MCC: variants seen among roughly 807,000 people sequenced by gnomAD.
MCC encodes MCC regulator of Wnt signaling pathway.
Under a neutral mutation model 116.2 loss-of-function variants are expected in MCC, and 90 were observed. The observed-to-expected ratio is 0.77, with a 90% CI of 0.65 to 0.92. The LOEUF is 0.92. MCC is among the 40% of genes least tolerant of loss of function. MCC has a pLI of 0.00. For synonymous variants in MCC, 578 were observed against 510.5 expected (o/e 1.13, Z -1.78); for missense variants, 1,516 against 1,312.2 (o/e 1.16, Z -2.40).
chr5:113,451,348 A>G (rs1218095441), intron 1 of MCC, among the ~76,000 whole-genome samples: 1 of 152,250 alleles, frequency 6.6e-6, no homozygotes, highest in Non-Finnish European at 1.5e-5. Context: ...TTAAATCTAC[A>G]GTTTATCCAG....
intron 3 of MCC, among the ~76,000 whole-genome samples, chr5:113,178,271 C>T (rs187028654): frequency 1.2e-4 from 19 of 152,288 alleles, no homozygotes; most frequent in African/African-American, 3.6e-4. Flanking sequence ...AAGGCAGTGG[C>T]GAGTGGACCA....
chr5:113,351,659 A>ATT (rs1472655016), intron 2 of MCC, among the ~76,000 whole-genome samples: 1 of 152,170 alleles, frequency 6.6e-6, no homozygotes, highest in East Asian at 1.9e-4. Flanking sequence ...TGTACTCAAT[A>ATT]ATTTAATTGT....
At chr5:113,224,766 A>C (rs1303005655) in intron 3 of MCC, among the ~76,000 whole-genome samples, 1 of 152,206 alleles carries the variant, frequency 6.6e-6, no homozygotes, top group Non-Finnish European at 1.5e-5. Context: ...CTAAGTTCAA[A>C]TCTTTTACAG....
chr5:113,338,623 T>C (rs1028925257), intron 3 of MCC, among the ~76,000 whole-genome samples: 1 of 152,260 alleles, frequency 6.6e-6, no homozygotes, highest in Non-Finnish European at 1.5e-5. Flanking sequence ...ATTTCTGCTA[T>C]AACCCATCCT....
At chr5:113,120,630 T>G (rs1757683584) in intron 6 of MCC, among the ~76,000 whole-genome samples, 1 of 152,212 alleles carries the variant, frequency 6.6e-6, no homozygotes, top group Non-Finnish European at 1.5e-5. Context: ...TGTGATAATC[T>G]CTGAAGATAT....
intron 4 of MCC, among the ~76,000 whole-genome samples, chr5:113,143,609 C>T (rs1477405453): frequency 1.3e-5 from 2 of 152,190 alleles, no homozygotes; most frequent in African/African-American, 4.8e-5. Flanking sequence ...AGTCCCTTTG[C>T]CATTGCACAC....
chr5:113,378,489 T>C (rs2150391352), intron 2 of MCC, among the ~76,000 whole-genome samples: 1 of 152,334 alleles, frequency 6.6e-6, no homozygotes, highest in Admixed American at 6.5e-5. Context: ...GTAATTGTAC[T>C]AATTAGCAGG....
chr5:113,222,451 CTA>C (rs1219686749), intron 3 of MCC, among the ~76,000 whole-genome samples: 1 of 152,182 alleles, frequency 6.6e-6, no homozygotes, highest in African/African-American at 2.4e-5. Context: ...AGTATTCCCT[CTA>C]CTTCAATTTT....
intron 14 of MCC, among the ~76,000 whole-genome samples, chr5:113,063,022 T>C (rs993607820): frequency 3.3e-5 from 5 of 152,244 alleles, no homozygotes; most frequent in African/African-American, 1.2e-4. Context: ...GGAAGAACAA[T>C]ATGCTCGATG....
intron 2 of MCC, among the ~76,000 whole-genome samples, chr5:113,361,919 A>C (rs1381931484): frequency 6.6e-6 from 1 of 152,140 alleles, no homozygotes; most frequent in Non-Finnish European, 1.5e-5. Context: ...TGAGAGTTAC[A>C]CCATAGGCTC....
intron 1 of MCC, among the ~76,000 whole-genome samples, chr5:113,468,898 G>A (rs941437685): frequency 6.6e-6 from 1 of 152,170 alleles, no homozygotes; most frequent in South Asian, 2.1e-4. Flanking sequence ...ACTTCTTCCT[G>A]GTTTAGTCTT....
At chr5:113,037,664 G>A (rs572315345) in intron 17 of MCC, among the ~76,000 whole-genome samples, 5 of 152,212 alleles carry the variant, frequency 3.3e-5, no homozygotes, top group East Asian at 1.9e-4. Flanking sequence ...ACTATACTCC[G>A]GCCTGGATGA....
chr5:113,450,456 G>GC (rs1258615561), intron 1 of MCC, among the ~76,000 whole-genome samples: 1 of 151,984 alleles, frequency 6.6e-6, no homozygotes, highest in Non-Finnish European at 1.5e-5. Flanking sequence ...CTGATGTGAT[G>GC]CCCCCCCAAG....
intron 3 of MCC, among the ~76,000 whole-genome samples, chr5:113,319,907 A>G (rs1254396771): frequency 6.6e-6 from 1 of 152,198 alleles, no homozygotes; most frequent in African/African-American, 2.4e-5. Flanking sequence ...GCAAACCCCA[A>G]TGGCCATATG....
intron 15 of MCC, among the ~76,000 whole-genome samples, chr5:113,050,117 G>T (rs10052525): frequency 0.049 from 7,444 of 152,250 alleles, 609 homozygotes; most frequent in African/African-American, 0.17. Context: ...GTTAGGTATT[G>T]CAACTATCTC....
At chr5:113,354,559 G>A (rs550827085) in intron 2 of MCC, among the ~76,000 whole-genome samples, 7 of 151,060 alleles carry the variant, frequency 4.6e-5, no homozygotes, top group Non-Finnish European at 7.4e-5. Flanking sequence ...TTCAGCCTCC[G>A]GAGTACCTGG....
At chr5:113,293,453 A>C (rs1355668335) in intron 3 of MCC, among the ~76,000 whole-genome samples, 1 of 152,184 alleles carries the variant, frequency 6.6e-6, no homozygotes, top group Non-Finnish European at 1.5e-5. Context: ...AAACCCACAG[A>C]CACCAAGCCT....
intron 3 of MCC, among the ~76,000 whole-genome samples, chr5:113,179,672 A>G (rs189117416): frequency 7.2e-4 from 110 of 152,348 alleles, no homozygotes; most frequent in African/African-American, 2.6e-3. Flanking sequence ...AAAGACAAAA[A>G]TGAATGCAGT....
chr5:113,467,907 G>C (rs979815683), intron 1 of MCC, among the ~76,000 whole-genome samples: 2 of 152,126 alleles, frequency 1.3e-5, no homozygotes, highest in Non-Finnish European at 2.9e-5. Context: ...CACATCCCTT[G>C]TAAGTTGGAT....
Sources: allele counts gnomAD v4.1 joint callset (sites outside exome capture counted in the v4.1 genomes callset), GRCh38; gene constraint gnomAD v4.1.1; transcripts MANE v1.5; gene names NCBI Gene and HGNC (gene_info 2026-07-23, HGNC 2026-07-21).